SH2B1: variants seen among roughly 807,000 people sequenced by gnomAD.
SH2B1 encodes SH2B adaptor protein 1, also known as SH2B adapter protein 1.
SH2B1 carries 15 observed loss-of-function variants against 62.6 expected under a neutral mutation model. That is an observed-to-expected ratio of 0.24 (90% CI 0.16 to 0.37). The LOEUF (loss-of-function observed/expected upper bound fraction) is 0.37. Among genes scored for constraint, SH2B1 ranks in the 10% least tolerant of loss-of-function variants. The probability of loss-of-function intolerance (pLI) is 1.00; values close to 1 mark genes in which losing one functional copy is unlikely to be tolerated. For missense variants in SH2B1, 925 were observed against 1,015.6 expected, an observed-to-expected ratio of 0.91 and a Z score of 1.21; for synonymous variants, 443 against 438.0, an observed-to-expected ratio of 1.01 and a Z score of -0.14.
At chr16:28,861,005 A>ATG (rs771546530), upstream of SH2B1, among the ~76,000 whole-genome samples, 3 of 151,558 alleles carry the variant, frequency 2.0e-5, no homozygotes, top group Non-Finnish European at 4.4e-5. Flanking sequence ...TTTGGTAGAG[A>ATG]TGAGGTTTCG....
At chr16:28,853,243 A>G (rs866425120) in intron 1 of SH2B1, among the ~76,000 whole-genome samples, 4 of 144,510 alleles carry the variant, frequency 2.8e-5, no homozygotes, top group Middle Eastern at 3.6e-3. Flanking sequence ...ATATATATAT[A>G]TGCACACACA....
In SH2B1 at chr16:28,873,672, T is replaced by A; in HGVS notation, c.2123T>A (p.Ile708Lys). Residue 708 changes from isoleucine (I) to lysine (K), a missense_variant, in exon 8 of 8, where the codon ATA becomes AAA. Physicochemically the swap from Ile to Lys is moderately radical, Grantham distance 102 (BLOSUM62 -3). Around this residue, in one of 3 missense-constraint regions of SH2B1, gnomAD observed 185 missense variants for 189.5 expected, o/e 0.98. Coordinates refer to ENST00000684370, the MANE Select transcript of SH2B1 (RefSeq NM_001387430.1). The surrounding 1 kb of genome is among the most constrained non-coding windows in gnomAD (Gnocchi z 4.2). ...LVPVVELEEA[I>K]APGSEAQGAG... is the part of the protein sequence containing the mutation. ...CCCGTGGTTGAATTGGAAGAGGCCA[T>A]AGCCCCAGGCTCAGAGGCCCAGGGC... The A allele has an allele frequency of 6.5e-7, 1 of 1,527,418 alleles. No homozygotes were observed. Among genetic ancestry groups the A allele is most frequent in the Non-Finnish European group, 8.8e-7 (1 of 1,135,296 alleles). 94.6% of individuals were successfully genotyped at this position (1,527,418 alleles called of 1,614,324 possible).
rs1315148568 is a variant in SH2B1, at chr16:28,863,879, G to T, written c.-2216G>T. ...GGCGCTCGTCGCGTAGTGGGTGGGG[G>T]CGCAGGGAGCGGGAGCCGCCGCCGC... On this transcript the variant is annotated 5_prime_UTR_variant, in exon 1 of 8. Transcript: ENST00000684370. 1.5e-5 allele frequency: 22 copies of T among 1,509,732 alleles called. No individual in the cohort carries two copies. The highest frequency in any genetic ancestry group is 1.4e-5 in the African/African-American group (1 of 70,456). The allele number at this position is 1,509,732 out of a possible 1,614,324, so 93.5% of individuals were successfully genotyped here.
At chr16:28,870,979 G>A (rs983143211) in intron 4 of SH2B1, among the ~76,000 whole-genome samples, 1 of 151,008 alleles carries the variant, frequency 6.6e-6, no homozygotes, top group African/African-American at 2.5e-5. Context: ...GAGCCACTGT[G>A]TGCAGCCAGA....
chr16:28,847,816 CTTTT>C (rs34950443), intron 1 of SH2B1, among the ~76,000 whole-genome samples: 2 of 84,244 alleles, frequency 2.4e-5, no homozygotes, highest in Admixed American at 1.2e-4. Flanking sequence ...AAGACCCCAT[CTTTT>C]TTTTTTTTTT....
In SH2B1 at chr16:28,869,198, G is replaced by A. The variant is rs1567469652; in HGVS notation, c.1134-10G>A. ...CTTTCCTCCCAGCACCATCTTCCCT[G>A]TCTCTGCAGACCCTGCCCTGCTACC... On this transcript the variant is annotated splice_polypyrimidine_tract_variant and intron_variant, in intron 3 of 7. Transcript: ENST00000684370. 6.2e-7 allele frequency: 1 copy of A among 1,613,920 alleles called. No individual in the cohort carries two copies. Among genetic ancestry groups the A allele is most frequent in the Admixed American group, 1.7e-5 (1 of 60,014 alleles).
rs1273096142 is a variant in SH2B1 at position 28,865,160 on chromosome 16, ATGTTT to A, written c.-929_-925del. ...TCCTAGGGCCCCAGCTCTCCCTGTG[ATGTTT>A]TGTTTACGTGAGGCCAGCAAAGACT... On this transcript the variant is annotated 5_prime_UTR_variant, in exon 1 of 8. The change creates a premature stop within an existing upstream ORF in the 5' untranslated region. Coordinates refer to ENST00000684370, the MANE Select transcript of SH2B1 (RefSeq NM_001387430.1). 1 of 985,454 alleles carries A rather than the reference ATGTTT, an allele frequency of 1.0e-6. No homozygotes were observed. Among genetic ancestry groups the A allele is most frequent in the African/African-American group, 1.7e-5 (1 of 57,230 alleles). The allele number at this position is 985,454 out of a possible 1,614,324, so 61.0% of individuals were successfully genotyped here. A position where few individuals can be genotyped will look rare whatever the true frequency, so the allele number is the denominator to read the frequency against.
chr16:28,852,542 A>T (rs374136829), intron 1 of SH2B1, among the ~76,000 whole-genome samples: 3 of 35,566 alleles, frequency 8.4e-5, no homozygotes, highest in African/African-American at 7.4e-4. Flanking sequence ...ACATATATTT[A>T]TATATATACA....
rs528015738 is a variant in SH2B1, at chr16:28,866,205, G to A, written c.111G>A (p.Ala37=). The A allele has an allele frequency of 1.4e-5, 23 of 1,601,182 alleles. No homozygotes were observed. The highest frequency in any genetic ancestry group is 4.0e-5 in the African/African-American group (3 of 74,504). The stretch of plus-strand genomic sequence containing the variant: ...TCTGTGAGTCCCACGCCCGGGCTGC[G>A]GCTCTGGACTTTGCCCGCCGTTTTC... ...REFCESHARA[A]ALDFARRFRL... is the part of the protein sequence containing the mutation. The change falls in exon 1 of 8, where the codon GCG becomes GCA. Residue 37 remains alanine, a synonymous_variant. Coordinates refer to ENST00000684370, the MANE Select transcript of SH2B1 (RefSeq NM_001387430.1). This position sits in a 1 kb window ranked among gnomAD's most constrained non-coding sequence, Gnocchi z 6.3.
In SH2B1 at chr16:28,866,937, A is replaced by C; in HGVS notation, c.843A>C (p.Gly281=). ...GGGTGGCTGGGCCTCCTTCAGGGGG[A>C]GGAGGGCAGCCTCAGTGGCAGAAGT... ...GGGVAGPPSG[G]GGQPQWQKCR... Residue 281 remains glycine (G), a synonymous_variant, in exon 1 of 8, where the codon GGA becomes GGC. Coordinates refer to ENST00000684370, the MANE Select transcript of SH2B1 (RefSeq NM_001387430.1). The surrounding 1 kb of genome is among the most constrained non-coding windows in gnomAD (Gnocchi z 6.3). 1.2e-6 allele frequency: 2 copies of C among 1,610,042 alleles called. No homozygotes were observed. The highest frequency in any genetic ancestry group is 1.7e-6 in the Non-Finnish European group (2 of 1,179,864).
chr16:28,873,741 T>G lies in SH2B1; in HGVS notation c.2192T>G (p.Leu731Arg). ...GDAGVPPMVQ[L>R]QQSPLGGDGE... ...GCGGGGGTGCCCCCAATGGTGCAGC[T>G]GCAGCAGTCACCACTAGGGGGTGAT... Residue 731 changes from leucine to arginine, a missense_variant, in exon 8 of 8, where the codon CTG (leucine) becomes CGG (arginine). This residue lies in a region of SH2B1 where 185 missense variants were observed against 189.5 expected (regional missense o/e 0.98). Coordinates refer to ENST00000684370, the MANE Select transcript of SH2B1 (RefSeq NM_001387430.1). The surrounding 1 kb of genome is among the most constrained non-coding windows in gnomAD (Gnocchi z 4.2). 1 of 1,488,070 alleles carries G rather than the reference T, an allele frequency of 6.7e-7. No individual in the cohort carries two copies. Among genetic ancestry groups the G allele is most frequent in the South Asian group, 1.4e-5 (1 of 73,508 alleles). 92.2% of individuals were successfully genotyped at this position (1,488,070 alleles called of 1,614,324 possible).
At chr16:28,852,683 CATATATATTTAT>C (rs1336371546) in intron 1 of SH2B1, among the ~76,000 whole-genome samples, 1 of 61,536 alleles carries the variant, frequency 1.6e-5, no homozygotes, top group Admixed American at 3.1e-4. Flanking sequence ...TATATATTTA[CATATATATTTAT>C]ATATATACAT....
intron 1 of SH2B1, among the ~76,000 whole-genome samples, chr16:28,849,441 C>T (rs538640745): frequency 6.6e-6 from 1 of 152,216 alleles, no homozygotes; most frequent in African/African-American, 2.4e-5. Context: ...TCACTGTACT[C>T]CTAGGAATTT....
Position 28,868,990 on chromosome 16 carries a change from C to T in SH2B1, c.1042-16C>T, listed in dbSNP as rs1962883430. 1.9e-6 allele frequency: 3 copies of T among 1,605,020 alleles called. No homozygotes were observed. Among genetic ancestry groups the T allele is most frequent in the African/African-American group, 1.3e-5 (1 of 74,830 alleles). On this transcript the variant is annotated splice_polypyrimidine_tract_variant and intron_variant, in intron 2 of 7. Transcript: ENST00000684370. ...CCTGCCCCTGCCCCAGCTGAGGCGT[C>T]GTCTCATCTCTGTAGGTGGAAGGTC...
At chr16:28,871,512 A>G (rs1271690662) in intron 4 of SH2B1, among the ~76,000 whole-genome samples, 2 of 152,228 alleles carry the variant, frequency 1.3e-5, no homozygotes, top group East Asian at 3.8e-4. Context: ...CGTTTCTGCA[A>G]CAGTCTTTCA....
At chr16:28,851,139 A>C (rs2152153439) in intron 1 of SH2B1, among the ~76,000 whole-genome samples, 1 of 142,300 alleles carries the variant, frequency 7.0e-6, no homozygotes, top group South Asian at 2.2e-4. Flanking sequence ...GCGCCACTGC[A>C]CTCCAGCCTG....
At chr16:28,850,493 G>A (rs1453749226) in intron 1 of SH2B1, among the ~76,000 whole-genome samples, 1 of 152,166 alleles carries the variant, frequency 6.6e-6, no homozygotes, top group African/African-American at 2.4e-5. Context: ...TTGAACCCAG[G>A]AGTTTGAGGC....
In SH2B1 at chr16:28,873,847, T is replaced by G; in HGVS notation, c.*27T>G. The G allele has an allele frequency of 7.1e-7, 1 of 1,411,204 alleles. No homozygotes were observed. The highest frequency in any genetic ancestry group is 2.7e-5 in the East Asian group (1 of 36,804). The allele number at this position is 1,411,204 out of a possible 1,614,324, so 87.4% of individuals were successfully genotyped here. On this transcript the variant is annotated 3_prime_UTR_variant, in exon 8 of 8. Coordinates refer to ENST00000684370, the MANE Select transcript of SH2B1 (RefSeq NM_001387430.1). This position sits in a 1 kb window ranked among gnomAD's most constrained non-coding sequence, Gnocchi z 4.2. The stretch of plus-strand genomic sequence containing the variant: ...CCAACCCCACCCGCTCCACCCTTTT[T>G]AAACCCCCCAGCCCTGCTCGTGAGA...
In SH2B1 at chr16:28,864,103, G is replaced by T; in HGVS notation, c.-1992G>T. On this transcript the variant is annotated 5_prime_UTR_variant, in exon 1 of 8. Transcript: ENST00000684370. ...GAGTGCAGCAGACAGGGCTGGTCCC[G>T]AGGTGGATGCGGCCCCGGAAAATGG... 8.0e-7 allele frequency: 1 copy of T among 1,247,342 alleles called. No homozygotes were observed. Among genetic ancestry groups the T allele is most frequent in the South Asian group, 1.8e-5 (1 of 54,742 alleles). The allele number at this position is 1,247,342 out of a possible 1,614,324, so 77.3% of individuals were successfully genotyped here.
Sources: allele counts gnomAD v4.1 joint callset (sites outside exome capture counted in the v4.1 genomes callset), GRCh38; gene constraint gnomAD v4.1.1; regional missense constraint gnomAD v4.1.1; non-coding constraint Gnocchi (gnomAD v3.1); transcripts MANE v1.5; gene names NCBI Gene and HGNC (gene_info 2026-07-23, HGNC 2026-07-21).